ABCB11: variants seen among roughly 807,000 people sequenced by gnomAD.
ABCB11 encodes bile salt export pump.
A neutral mutation model predicts 148.0 loss-of-function variants in ABCB11; 95 were observed. The observed-to-expected ratio is 0.64, with a 90% confidence interval of 0.54 to 0.76. The LOEUF is 0.76. Among genes scored for constraint, ABCB11 ranks in the 30% least tolerant of loss-of-function variants. The pLI, the probability that ABCB11 is intolerant of heterozygous loss-of-function variation, is 0.00. For missense variants in ABCB11, 1,523 were observed against 1,617.8 expected (o/e 0.94, Z 1.01); for synonymous variants, 591 against 555.4 (o/e 1.06, Z -0.90).
Position 168,958,025 on chromosome 2 carries a change from C to G in ABCB11, c.2282G>C (p.Gly761Ala). 2 of 1,611,090 alleles carry G rather than the reference C, an allele frequency of 1.2e-6. No homozygotes were observed. The highest frequency in any genetic ancestry group is 1.7e-6 in the Non-Finnish European group (2 of 1,178,156). The change falls in exon 19 of 28, where the codon GGT becomes GCT. Residue 761 changes from glycine to alanine, a missense_variant. Gly to Ala is a moderately conservative substitution (Grantham distance 60). Transcript: ENST00000650372. ...TGTGACTGTCCCGTTCACAGCTGCA[C>G]CCACAGACCCTACCAGCATGTAGGG... Reference protein sequence around the residue: ...EWPYMLVGSVGAAVNGTVTPL... With the variant: ...EWPYMLVGSVAAAVNGTVTPL...
chr2:169,013,648 G>C, intron 4 of ABCB11, 138 bp from the exon 5 acceptor site: 1 of 630,198 alleles, frequency 1.6e-6, no homozygotes, highest in South Asian at 2.2e-5. Flanking sequence ...TTGAGTGGCA[G>C]AGTTCGTATA....
rs779673853 is a variant in ABCB11, at chr2:168,986,173, G to T, written c.1020C>A (p.Ala340=). The change falls in exon 10 of 28, where the codon GCC becomes GCA. Residue 340 remains alanine (A), a synonymous_variant. Coordinates refer to ENST00000650372, the MANE Select transcript of ABCB11 (RefSeq NM_003742.4). Reference sequence around the variant, plus strand: ...GGACAAGTGTGGAGCCGTACCAGAAGGCCAGTGCATAACACAAAAAGATGA... The same window carrying T: ...GGACAAGTGTGGAGCCGTACCAGAATGCCAGTGCATAACACAAAAAGATGA... ...WCLIFLCYAL[A]FWYGSTLVLD... is the part of the protein sequence containing the mutation. The T allele has an allele frequency of 6.2e-7, 1 of 1,613,156 alleles. No homozygotes were observed. The highest frequency in any genetic ancestry group is 8.5e-7 in the Non-Finnish European group (1 of 1,179,512).
chr2:168,919,473 C>G (rs868232103), downstream of ABCB11, among the ~76,000 whole-genome samples: 1 of 152,142 alleles, frequency 6.6e-6, no homozygotes, highest in Non-Finnish European at 1.5e-5. Flanking sequence ...TTCCCTGCCT[C>G]AATCTAGCTG....
intron 21 of ABCB11, among the ~76,000 whole-genome samples, chr2:168,941,162 A>G (rs1252381440): frequency 2.0e-5 from 3 of 152,014 alleles, no homozygotes; most frequent in Non-Finnish European, 4.4e-5. Flanking sequence ...AACATTTTAC[A>G]AGGCTACATC....
rs746702000 is a variant in ABCB11 at position 168,971,844 on chromosome 2, T to C, written c.1638+3A>G. 1.2e-6 allele frequency: 2 copies of C among 1,612,284 alleles called. No homozygotes were observed. Among genetic ancestry groups the C allele is most frequent in the Non-Finnish European group, 1.7e-6 (2 of 1,178,848 alleles). ...TCTCCCAGGAATGTATGGCTAGGGG[T>C]ACCTGTGGCAGGTCCATGATGAAGT... On this transcript the variant is annotated splice_donor_region_variant and intron_variant, in intron 14 of 27. Coordinates refer to ENST00000650372, the MANE Select transcript of ABCB11 (RefSeq NM_003742.4).
rs913644236 is a variant in ABCB11 at position 168,976,642 on chromosome 2, G to T, written c.1243C>A (p.Arg415=). 3 of 1,611,000 alleles carry T rather than the reference G, an allele frequency of 1.9e-6. No homozygotes were observed. Among genetic ancestry groups the T allele is most frequent in the South Asian group, 1.1e-5 (1 of 90,782 alleles). Residue 415 remains arginine, a synonymous_variant, in exon 12 of 28, where the codon CGA becomes AGA. Transcript: ENST00000650372. ...CMSEDGYKLD[R]IKGEIEFHNV... is the part of the protein sequence containing the mutation. Reference sequence around the variant, plus strand: ...TGGAATTCAATTTCACCCTTGATTCGATCCAACTTGTAACCATCTTCTGAC... The same window carrying T: ...TGGAATTCAATTTCACCCTTGATTCTATCCAACTTGTAACCATCTTCTGAC...
At chr2:168,990,244 T>G (rs1694466329) in intron 9 of ABCB11, among the ~76,000 whole-genome samples, 1 of 152,124 alleles carries the variant, frequency 6.6e-6, no homozygotes, top group Non-Finnish European at 1.5e-5. Flanking sequence ...TGGGCTTTTC[T>G]TTCATGGGAG....
chr2:169,024,758 C>T (rs1473485470), intron 1 of ABCB11, among the ~76,000 whole-genome samples: 1 of 152,084 alleles, frequency 6.6e-6, no homozygotes, highest in East Asian at 1.9e-4. Flanking sequence ...GACAATTTCT[C>T]ATACTTTCCT....
At chr2:168,957,572 A>C (rs1353093728) in intron 19 of ABCB11, among the ~76,000 whole-genome samples, 1 of 151,714 alleles carries the variant, frequency 6.6e-6, no homozygotes, top group East Asian at 2.0e-4. Flanking sequence ...CTGCTATATA[A>C]GTCAAACTTT....
chr2:169,014,321 T>C lies in ABCB11; in HGVS notation c.132A>G (p.Arg44=), dbSNP rs2106049981. Residue 44 remains arginine, a synonymous_variant, in exon 4 of 28, where the codon AGA becomes AGG. Transcript: ENST00000650372. ...TTATTACCAATTGAAAGAAGCCAACTCTAACGCCATCACCTTTCTTCTCAT... is the reference window on the plus strand; with the variant it reads ...TTATTACCAATTGAAAGAAGCCAACCCTAACGCCATCACCTTTCTTCTCAT... ...LQDEKKGDGV[R]VGFFQLFRFS... 1.2e-6 allele frequency: 2 copies of C among 1,613,402 alleles called. No individual in the cohort carries two copies. The highest frequency in any genetic ancestry group is 2.2e-5 in the East Asian group (1 of 44,826).
intron 18 of ABCB11, among the ~76,000 whole-genome samples, chr2:168,960,359 A>G (rs1434125990): frequency 6.6e-6 from 1 of 151,710 alleles, no homozygotes; most frequent in African/African-American, 2.4e-5. Flanking sequence ...GAACTTGTGA[A>G]GACTATTAGC....
intron 5 of ABCB11, among the ~76,000 whole-genome samples, chr2:169,011,833 T>A (rs13383759): frequency 0.074 from 11,221 of 152,082 alleles, 1,026 homozygotes; most frequent in African/African-American, 0.22. Context: ...AGCTATTTTT[T>A]AAAAAAATTT....
chr2:169,007,729 G>A (rs1387401145), intron 5 of ABCB11, among the ~76,000 whole-genome samples: 3 of 151,898 alleles, frequency 2.0e-5, no homozygotes, highest in Non-Finnish European at 4.4e-5. Context: ...CTTGGATTTG[G>A]CAATGGTTTC....
At chr2:169,028,619 A>T (rs891580185) in intron 1 of ABCB11, among the ~76,000 whole-genome samples, 9 of 152,092 alleles carry the variant, frequency 5.9e-5, no homozygotes, top group Non-Finnish European at 1.5e-5. Context: ...GGGCCTCATG[A>T]TCCTTACCAC....
chr2:168,977,898 C>A (rs900437788), intron 11 of ABCB11, among the ~76,000 whole-genome samples: 1 of 152,094 alleles, frequency 6.6e-6, no homozygotes, highest in African/African-American at 2.4e-5. Context: ...TCCCTCGACA[C>A]ATGGGGATTA....
In ABCB11 at chr2:168,923,762, G is replaced by A. The variant is rs755385304; in HGVS notation, c.3826C>T (p.Arg1276Cys). The A allele has an allele frequency of 7.4e-6, 12 of 1,613,764 alleles. No homozygotes were observed. The highest frequency in any genetic ancestry group is 1.7e-5 in the Admixed American group (1 of 60,000). ...TCCGCGTTCTGGATGGTGGACAAGC[G>A]ATGGGCAATGACAATGCAGGTCCGA... ...EGRTCIVIAH[R>C]LSTIQNADII... Residue 1276 changes from arginine (R) to cysteine (C), a missense_variant, in exon 28 of 28, where the codon CGC becomes TGC. By Grantham distance (180) the Arg-to-Cys change is radical. Transcript: ENST00000650372.
In ABCB11 at chr2:168,953,209, T is replaced by G. The variant is rs371380117; in HGVS notation, c.2343+4755A>C. On this transcript the variant is annotated intron_variant, in intron 19 of 27. Transcript: ENST00000650372. ...GTTGTTGGGTAGAATGTTCTGTAAA[T>G]GTCTGTTAAGTTTGATATAAAATCC... 3.3e-5 allele frequency among the ~76,000 whole-genome samples: 5 copies of G among 151,858 alleles called. No homozygotes were observed. In the East Asian group the frequency reaches 7.8e-4, roughly 24 times the overall value.
chr2:168,957,722 G>A (rs1457965626), intron 19 of ABCB11, among the ~76,000 whole-genome samples: 1 of 151,590 alleles, frequency 6.6e-6, no homozygotes. Context: ...TTCAGTGACA[G>A]TACCATTTTC....
At chr2:168,952,003 T>A (rs978542131) in intron 19 of ABCB11, among the ~76,000 whole-genome samples, 1 of 151,760 alleles carries the variant, frequency 6.6e-6, no homozygotes, top group Non-Finnish European at 1.5e-5. Flanking sequence ...ATGATAATTT[T>A]TTCCCTTAAT....
Sources: allele counts gnomAD v4.1 joint callset (sites outside exome capture counted in the v4.1 genomes callset), GRCh38; gene constraint gnomAD v4.1.1; transcripts MANE v1.5; gene names NCBI Gene and HGNC (gene_info 2026-07-23, HGNC 2026-07-21).